The following HMGCLL1 variants were observed in gnomAD, a reference collection of about 807,000 sequenced individuals.
HMGCLL1 encodes the protein 3-hydroxy-3-methylglutaryl-CoA lyase like 1, also known as 3-hydroxymethyl-3-methylglutaryl-CoA lyase, cytoplasmic.
A neutral mutation model predicts 39.1 loss-of-function variants in HMGCLL1; 36 were observed. The ratio of observed to expected loss-of-function variants is 0.92; its 90% CI spans 0.71 to 1.22. HMGCLL1 has a LOEUF of 1.22. Among genes scored for constraint, HMGCLL1 ranks in the 50% most tolerant of loss-of-function variants. The pLI is 0.00. For synonymous variants in HMGCLL1, 149 were observed against 144.0 expected, an observed-to-expected ratio of 1.03 and a Z score of -0.25; for missense variants, 451 against 416.5, an observed-to-expected ratio of 1.08 and a Z score of -0.72.
At chr6:55,509,883 G>A (rs974354293) in intron 5 of HMGCLL1, among the ~76,000 whole-genome samples, 1 of 151,722 alleles carries the variant, frequency 6.6e-6, no homozygotes, top group Non-Finnish European at 1.5e-5. Flanking sequence ...TGGACAAAAT[G>A]AACACCCTAG....
Position 55,557,023 on chromosome 6 carries a change from C to T in HMGCLL1, c.109-14883G>A, listed in dbSNP as rs562915195. ...GCTTCTCAGTTAAACACTTTCCTCC[C>T]TTCCCCCAGAATACTGCTAAATATT... On this transcript the variant is annotated intron_variant, in intron 1 of 8. Transcript: ENST00000274901. Among the ~76,000 whole-genome samples, 21 of 152,274 alleles carry T rather than the reference C, an allele frequency of 1.4e-4. No homozygotes were observed. In the South Asian group the frequency reaches 4.1e-3, roughly 30 times the overall value.
chr6:55,528,007 T>C (rs539007972), intron 3 of HMGCLL1, among the ~76,000 whole-genome samples: 12 of 152,222 alleles, frequency 7.9e-5, no homozygotes, highest in Admixed American at 3.3e-4. Context: ...CTTAAACTCA[T>C]GGACCTATAA....
intron 3 of HMGCLL1, among the ~76,000 whole-genome samples, chr6:55,525,828 G>C (rs773125253): frequency 6.6e-6 from 1 of 151,822 alleles, no homozygotes; most frequent in Non-Finnish European, 1.5e-5. Context: ...TCCTCCCTGC[G>C]GTGAGGAGTA....
rs202041427 is a variant in HMGCLL1, at chr6:55,579,032, C to T, written c.24G>A (p.Val8=). The part of the protein sequence containing the change: MGNVPSA[V]KHCLSYQQLL... ...GCTGCTGGTAGCTGAGGCAGTGCTTCACCGCGGATGGCACATTCCCCATGG... is the reference window on the plus strand; with the variant it reads ...GCTGCTGGTAGCTGAGGCAGTGCTTTACCGCGGATGGCACATTCCCCATGG... The change falls in exon 1 of 9, where the codon GTG becomes GTA. Residue 8 remains valine, a synonymous_variant. Transcript: ENST00000274901. The T allele has an allele frequency of 9.8e-4, 1,587 of 1,612,566 alleles. No individual in the cohort carries two copies. The highest frequency in any genetic ancestry group is 1.3e-3 in the Non-Finnish European group (1,485 of 1,179,314).
At chr6:55,510,376 G>C (rs139033954) in intron 5 of HMGCLL1, among the ~76,000 whole-genome samples, 1 of 151,698 alleles carries the variant, frequency 6.6e-6, no homozygotes, top group East Asian at 2.0e-4. Flanking sequence ...CAATAGCAAA[G>C]ACTTGGAACC....
At chr6:55,650,151 A>C in the HMGCLL1 span, among the ~76,000 whole-genome samples, 1 of 124,510 alleles carries the variant, frequency 8.0e-6, no homozygotes. Flanking sequence ...ACACACACAT[A>C]TGTATATATT....
At chr6:55,438,983 C>A (rs570955162) in intron 8 of HMGCLL1, among the ~76,000 whole-genome samples, 7 of 151,924 alleles carry the variant, frequency 4.6e-5, no homozygotes, top group African/African-American at 1.4e-4. Context: ...TATGAAGCTC[C>A]CCTCTTTCAC....
upstream of HMGCLL1, among the ~76,000 whole-genome samples, chr6:55,579,480 G>T (rs1265418998): frequency 6.6e-6 from 1 of 152,280 alleles, no homozygotes; most frequent in East Asian, 1.9e-4. Flanking sequence ...TGTTTATGTT[G>T]ATGAGTTCGT....
intron 7 of HMGCLL1, among the ~76,000 whole-genome samples, chr6:55,467,257 C>A (rs1397197604): frequency 2.0e-5 from 3 of 151,126 alleles, no homozygotes; most frequent in Non-Finnish European, 4.4e-5. Context: ...TGTATTCCTA[C>A]ACATGTACAT....
the HMGCLL1 span, among the ~76,000 whole-genome samples, chr6:55,622,283 TCTAGCCAAAATTTCTAGTA>T: frequency 3.3e-5 from 5 of 152,098 alleles, no homozygotes; most frequent in Admixed American, 3.3e-4. Flanking sequence ...TTCTGATGAC[TCTAGCCAAAATTTCTAGTA>T]CTATGTTGAA....
At chr6:55,480,011 TGAGA>T (rs1232755381) in intron 7 of HMGCLL1, among the ~76,000 whole-genome samples, 1 of 151,654 alleles carries the variant, frequency 6.6e-6, no homozygotes. Flanking sequence ...GTTAAAGAAG[TGAGA>T]GAGTTTCCCC....
At chr6:55,553,929 C>T (rs998726405) in intron 1 of HMGCLL1, among the ~76,000 whole-genome samples, 19 of 152,144 alleles carry the variant, frequency 1.2e-4, no homozygotes, top group Admixed American at 4.6e-4. Context: ...ACTTTGGAGA[C>T]ATTATCCCAT....
chr6:55,530,860 A>G (rs577056563), intron 3 of HMGCLL1, among the ~76,000 whole-genome samples: 1 of 152,164 alleles, frequency 6.6e-6, no homozygotes, highest in African/African-American at 2.4e-5. Flanking sequence ...TTTTATTTTT[A>G]AAAAATATTC....
At chr6:55,590,345 C>T in the HMGCLL1 span, among the ~76,000 whole-genome samples, 13 of 151,802 alleles carry the variant, frequency 8.6e-5, no homozygotes, top group African/African-American at 2.9e-4. Flanking sequence ...TCTGGCTAGC[C>T]GTATGTAGAA....
intron 7 of HMGCLL1, among the ~76,000 whole-genome samples, chr6:55,478,702 C>T (rs1765582186): frequency 6.6e-6 from 1 of 151,102 alleles, no homozygotes; most frequent in Admixed American, 6.6e-5. Flanking sequence ...TATAGCAAAA[C>T]ACTCAAATCT....
the HMGCLL1 span, among the ~76,000 whole-genome samples, chr6:55,594,437 T>A: frequency 3.3e-5 from 5 of 152,104 alleles, no homozygotes; most frequent in African/African-American, 1.2e-4. Flanking sequence ...CCAAGGTGAG[T>A]TAAGTCAACC....
chr6:55,553,244 T>C (rs1770461328), intron 1 of HMGCLL1, among the ~76,000 whole-genome samples: 1 of 135,712 alleles, frequency 7.4e-6, no homozygotes, highest in African/African-American at 2.9e-5. Context: ...TATTTACATA[T>C]ATACGTGTGT....
chr6:55,516,885 T>G (rs1042347415), intron 3 of HMGCLL1, among the ~76,000 whole-genome samples: 2 of 152,076 alleles, frequency 1.3e-5, no homozygotes, highest in South Asian at 4.1e-4. Flanking sequence ...CCAATCTTTA[T>G]TCCCTTCCTT....
chr6:55,527,308 T>G (rs553103437), intron 3 of HMGCLL1, among the ~76,000 whole-genome samples: 1 of 152,148 alleles, frequency 6.6e-6, no homozygotes, highest in South Asian at 2.1e-4. Context: ...AATACAGATT[T>G]CTTGGACATA....
Sources: gnomAD v4.1 joint callset for allele counts (sites outside exome capture counted in the v4.1 genomes callset) on GRCh38, gnomAD v4.1.1 for gene constraint, MANE v1.5 for transcripts, NCBI Gene and HGNC (gene_info 2026-07-23, HGNC 2026-07-21) for gene names.